LRRC7: variants seen among roughly 807,000 people sequenced by gnomAD.
The protein encoded by LRRC7 is leucine-rich repeat-containing protein 7.
LRRC7 carries 23 observed loss-of-function variants against 175.7 expected under a neutral mutation model. That is an observed-to-expected ratio of 0.13 (90% confidence interval 0.09 to 0.19). The LOEUF is 0.19. Ranked by LOEUF, LRRC7 falls within the 10% of genes least tolerant of loss-of-function variation. LRRC7 has a pLI of 1.00. For synonymous variants in LRRC7, 685 were observed against 680.9 expected, an observed-to-expected ratio of 1.01 and a Z score of -0.09; for missense variants, 1,354 against 1,904.7, an observed-to-expected ratio of 0.71 and a Z score of 5.38.
chr1:69,731,140 A>C (rs1667533318), intron 2 of LRRC7, among the ~76,000 whole-genome samples: 1 of 151,330 alleles, frequency 6.6e-6, no homozygotes, highest in Admixed American at 6.6e-5. Context: ...ATCTCTACTA[A>C]AAATACAAAA....
chr1:69,652,698 C>CA (rs898533443), intron 1 of LRRC7, among the ~76,000 whole-genome samples: 70 of 147,212 alleles, frequency 4.8e-4, no homozygotes, highest in Admixed American at 7.4e-4. Context: ...TAACAGTCTT[C>CA]AAAAAAAAAA....
At chr1:69,877,246 C>A (rs1401230512) in intron 7 of LRRC7, among the ~76,000 whole-genome samples, 1 of 152,068 alleles carries the variant, frequency 6.6e-6, no homozygotes, top group East Asian at 1.9e-4. Flanking sequence ...GATGGGATAA[C>A]ATTGGCTAAG....
intron 7 of LRRC7, among the ~76,000 whole-genome samples, chr1:69,895,261 C>G (rs1320631551): frequency 1.3e-5 from 2 of 152,012 alleles, no homozygotes; most frequent in African/African-American, 4.8e-5. Flanking sequence ...GAAGGTGGAT[C>G]TCACGTTGAG....
chr1:70,072,050 G>A (rs1028633528), intron 23 of LRRC7, among the ~76,000 whole-genome samples: 2 of 152,046 alleles, frequency 1.3e-5, no homozygotes, highest in East Asian at 1.9e-4. Context: ...ATATTTTCTT[G>A]AGTCTTATAG....
intron 7 of LRRC7, among the ~76,000 whole-genome samples, chr1:69,840,278 C>G (rs1261184453): frequency 6.6e-6 from 1 of 151,918 alleles, no homozygotes. Context: ...TTTGTTTTCA[C>G]TATGTATTAT....
intron 7 of LRRC7, among the ~76,000 whole-genome samples, chr1:69,925,660 T>C (rs1647046638): frequency 2.6e-5 from 4 of 152,172 alleles, no homozygotes; most frequent in Admixed American, 2.6e-4. Flanking sequence ...CCTTTATCAT[T>C]TTTATTGCGT....
intron 3 of LRRC7, among the ~76,000 whole-genome samples, chr1:69,767,484 T>G (rs1335427861): frequency 6.6e-6 from 1 of 151,996 alleles, no homozygotes; most frequent in African/African-American, 2.4e-5. Flanking sequence ...AAGACAAGAG[T>G]CTCACTCTGT....
intron 3 of LRRC7, among the ~76,000 whole-genome samples, chr1:69,766,895 G>A (rs183885238): frequency 2.7e-4 from 41 of 152,126 alleles, no homozygotes; most frequent in African/African-American, 7.0e-4. Context: ...AAGTTTTGTC[G>A]AGATGCAATT....
At chr1:69,873,642 C>T (rs539447243) in intron 7 of LRRC7, 1 of 393,962 alleles carries the variant, frequency 2.5e-6, no homozygotes, top group Non-Finnish European at 5.3e-6. Context: ...TGAAACCAAA[C>T]ATTTTTGGTG....
At chr1:69,645,988 T>A (rs192277235) in intron 1 of LRRC7, among the ~76,000 whole-genome samples, 1 of 152,250 alleles carries the variant, frequency 6.6e-6, no homozygotes, top group Admixed American at 6.5e-5. Context: ...CAGAATGGAA[T>A]AATAGCTTGT....
rs899533171 is a variant in LRRC7 at position 70,129,445 on chromosome 1, A to C, written c.*7558A>C. On this transcript the variant is annotated 3_prime_UTR_variant, in exon 27 of 27. Transcript: ENST00000651989. ...TTCTAAAGAGGAAAGGAAATGAAGAAAGGTGTTCCTCAACTTGGTCCAGCA... is the reference window on the plus strand; with the variant it reads ...TTCTAAAGAGGAAAGGAAATGAAGACAGGTGTTCCTCAACTTGGTCCAGCA... 6.6e-6 allele frequency among the ~76,000 whole-genome samples: 1 copy of C among 152,122 alleles called. No individual in the cohort carries two copies. Among genetic ancestry groups the C allele is most frequent in the East Asian group, 1.9e-4 (1 of 5,192 alleles).
At chr1:69,825,244 G>A (rs1287169216) in intron 4 of LRRC7, among the ~76,000 whole-genome samples, 3 of 152,134 alleles carry the variant, frequency 2.0e-5, no homozygotes, top group South Asian at 4.1e-4. Context: ...ATTTAGCAGA[G>A]CCCCATATTA....
At chr1:69,845,552 A>G (rs772717207) in intron 7 of LRRC7, among the ~76,000 whole-genome samples, 5 of 151,954 alleles carry the variant, frequency 3.3e-5, no homozygotes, top group Non-Finnish European at 7.4e-5. Flanking sequence ...TTTGTTATCT[A>G]GTTTACTACC....
intron 7 of LRRC7, chr1:69,873,382 G>A: frequency 1.9e-6 from 1 of 531,984 alleles, no homozygotes; most frequent in Non-Finnish European, 3.9e-6. Context: ...TCCCTGTACT[G>A]TAAACCAATT....
intron 7 of LRRC7, among the ~76,000 whole-genome samples, chr1:69,900,940 G>A (rs1302472198): frequency 6.6e-6 from 1 of 152,160 alleles, no homozygotes; most frequent in Non-Finnish European, 1.5e-5. Flanking sequence ...AGTTCAATAT[G>A]CCTGTAAATT....
intron 7 of LRRC7, among the ~76,000 whole-genome samples, chr1:69,875,715 TA>T (rs1033435219): frequency 2.0e-5 from 3 of 151,772 alleles, no homozygotes; most frequent in Admixed American, 1.3e-4. Flanking sequence ...ATATACTTTT[TA>T]AAAAAAACAG....
rs1426310432 is a variant in LRRC7, at chr1:69,678,511, A to C, written c.100+33A>C. On this transcript the variant is annotated intron_variant, in intron 2 of 26. Coordinates refer to ENST00000651989, the MANE Select transcript of LRRC7 (RefSeq NM_001370785.2). ...TGTTTAATAGGATTACCTGTGTTCT[A>C]GATAGATTTTGGTGAGTAGCATAGT... 2.0e-6 allele frequency: 3 copies of C among 1,516,010 alleles called. No individual in the cohort carries two copies. The South Asian group carries it at 3.6e-5, about 18-fold the overall frequency. The allele number at this position is 1,516,010 out of a possible 1,614,324, so 93.9% of individuals were successfully genotyped here.
At chr1:70,071,455 G>T (rs906818348) in intron 23 of LRRC7, among the ~76,000 whole-genome samples, 1 of 151,924 alleles carries the variant, frequency 6.6e-6, no homozygotes, top group Admixed American at 6.6e-5. Context: ...GTGTCCCACT[G>T]GCCTAATTTT....
chr1:69,740,165 G>C (rs2224257), intron 2 of LRRC7, among the ~76,000 whole-genome samples: 40,697 of 152,032 alleles, frequency 0.27, 7,125 homozygotes, highest in African/African-American at 0.5. Context: ...GCTGCCATAA[G>C]AAAACACAAA....
Sources: gnomAD v4.1 joint callset for allele counts (sites outside exome capture counted in the v4.1 genomes callset) on GRCh38, gnomAD v4.1.1 for gene constraint, MANE v1.5 for transcripts, NCBI Gene and HGNC (gene_info 2026-07-23, HGNC 2026-07-21) for gene names.